The following ZNF536 variants were observed in gnomAD, a reference collection of about 807,000 sequenced individuals.
The protein encoded by ZNF536 is zinc finger protein 536.
ZNF536 carries 13 observed loss-of-function variants against 84.5 expected under a neutral mutation model. The observed-to-expected ratio is 0.15, with a 90% CI of 0.10 to 0.24. The LOEUF (loss-of-function observed/expected upper bound fraction) is 0.24, where lower values mean the gene tolerates loss of function less well. ZNF536 is among the 10% of genes least tolerant of loss of function. ZNF536 has a pLI of 1.00. For missense variants in ZNF536, 1,536 were observed against 1,747.5 expected (o/e 0.88, Z 2.16); for synonymous variants, 811 against 742.5 (o/e 1.09, Z -1.50).
At position 30,548,808 on chromosome 19, in the gene ZNF536, G is replaced by A. The variant is rs147582952; in HGVS notation, c.3189G>A (p.Leu1063=). The A allele has an allele frequency of 6.2e-7, 1 of 1,613,816 alleles. No individual in the cohort carries two copies. Among genetic ancestry groups the A allele is most frequent in the Non-Finnish European group, 8.5e-7 (1 of 1,180,026 alleles). Reference sequence around the variant, plus strand: ...CCTCGTTACAATCAAACAAAGACCTGGGCCTCTCCAATATGATCAGCTCTC... The same window carrying A: ...CCTCGTTACAATCAAACAAAGACCTAGGCCTCTCCAATATGATCAGCTCTC... ...LLPSLQSNKD[L]GLSNMISSLD... The change falls in exon 4 of 5, where the codon CTG becomes CTA. Residue 1063 remains leucine (L), a synonymous_variant. Coordinates refer to ENST00000355537, the MANE Select transcript of ZNF536 (RefSeq NM_014717.3).
chr19:30,229,290 G>A (rs1029072564), intron 1 of ZNF536, among the ~76,000 whole-genome samples: 1 of 151,960 alleles, frequency 6.6e-6, no homozygotes, highest in African/African-American at 2.4e-5. Context: ...CAGGGTCACC[G>A]AGAGATTGAC....
At chr19:30,649,637 A>T (rs189382346) in intron 1 of ZNF536, among the ~76,000 whole-genome samples, 1 of 151,758 alleles carries the variant, frequency 6.6e-6, no homozygotes, top group Admixed American at 6.6e-5. Flanking sequence ...AGTGAAAAAG[A>T]CACAGGAACA....
intron 1 of ZNF536, among the ~76,000 whole-genome samples, chr19:30,634,217 C>G (rs1010716616): frequency 6.6e-6 from 1 of 152,128 alleles, no homozygotes; most frequent in African/African-American, 2.4e-5. Flanking sequence ...CTGGCTTTCT[C>G]CGATTGTTGT....
intron 1 of ZNF536, among the ~76,000 whole-genome samples, chr19:30,703,867 G>A (rs1210494737): frequency 6.6e-6 from 1 of 152,196 alleles, no homozygotes; most frequent in Non-Finnish European, 1.5e-5. Context: ...TTATCAAGGT[G>A]TGGAAATGGA....
intron 2 of ZNF536, among the ~76,000 whole-genome samples, chr19:30,446,508 A>G (rs142792738): frequency 1.2e-3 from 181 of 152,082 alleles, no homozygotes; most frequent in African/African-American, 4.3e-3. Flanking sequence ...GCGTATTCCC[A>G]TAATTCTCTC....
intron 1 of ZNF536, among the ~76,000 whole-genome samples, chr19:30,426,684 C>T (rs892904156): frequency 6.6e-6 from 1 of 152,140 alleles, no homozygotes; most frequent in African/African-American, 2.4e-5. Flanking sequence ...AACAGGGAGA[C>T]GTGCTTCCTG....
intron 2 of ZNF536, among the ~76,000 whole-genome samples, chr19:30,287,036 T>C (rs1568305571): frequency 6.6e-6 from 1 of 152,224 alleles, no homozygotes; most frequent in Non-Finnish European, 1.5e-5. Flanking sequence ...AGTGACCTAC[T>C]CCTTTACTGG....
At chr19:30,539,797 AC>A (rs1343493226) in intron 3 of ZNF536, among the ~76,000 whole-genome samples, 1 of 151,924 alleles carries the variant, frequency 6.6e-6, no homozygotes, top group African/African-American at 2.4e-5. Context: ...GGGAGGCGTG[AC>A]CCCCTGGTGG....
chr19:30,649,779 A>G (rs2049627909), intron 1 of ZNF536, among the ~76,000 whole-genome samples: 1 of 152,144 alleles, frequency 6.6e-6, no homozygotes, highest in African/African-American at 2.4e-5. Context: ...TTAATTTAGA[A>G]GGGGGCTGAC....
At chr19:30,351,861 A>G (rs1209734419) in intron 2 of ZNF536, among the ~76,000 whole-genome samples, 2 of 152,242 alleles carry the variant, frequency 1.3e-5, no homozygotes, top group Admixed American at 6.5e-5. Flanking sequence ...CATGGACTTC[A>G]TGTTAGGAAA....
chr19:30,397,903 T>C (rs2049887142), intron 1 of ZNF536, among the ~76,000 whole-genome samples: 1 of 152,140 alleles, frequency 6.6e-6, no homozygotes, highest in Non-Finnish European at 1.5e-5. Context: ...ATTGGCAAAT[T>C]TAAGAGCTCA....
chr19:30,419,556 G>T (rs1452331455), intron 1 of ZNF536, among the ~76,000 whole-genome samples: 1 of 152,186 alleles, frequency 6.6e-6, no homozygotes, highest in Non-Finnish European at 1.5e-5. Flanking sequence ...TCACGTGTGT[G>T]TATGTGTGCA....
chr19:30,585,732 C>A (rs774556036), intron 1 of ZNF536, among the ~76,000 whole-genome samples: 24 of 152,138 alleles, frequency 1.6e-4, no homozygotes, highest in Non-Finnish European at 3.1e-4. Context: ...CTGCATCTTC[C>A]CATCTCCCCT....
chr19:30,372,300 CAGAA>C (rs1468640428), upstream of ZNF536: 1 of 152,228 alleles, frequency 6.6e-6, no homozygotes, highest in Non-Finnish European at 1.5e-5. Context: ...AGGCAGGACT[CAGAA>C]AGGCCTCTCT....
chr19:30,483,234 T>C (rs1435279132), intron 2 of ZNF536, among the ~76,000 whole-genome samples: 3 of 152,222 alleles, frequency 2.0e-5, no homozygotes, highest in Admixed American at 6.5e-5. Flanking sequence ...TGTTGTACAC[T>C]GTGTTCCTAG....
chr19:30,429,872 A>T (rs1382850097), intron 1 of ZNF536, among the ~76,000 whole-genome samples: 1 of 152,192 alleles, frequency 6.6e-6, no homozygotes, highest in East Asian at 1.9e-4. Flanking sequence ...AAGGACTTGG[A>T]ATCCAAATTA....
intron 4 of ZNF536, among the ~76,000 whole-genome samples, chr19:30,551,074 TC>T (rs1015736741): frequency 1.3e-5 from 2 of 151,942 alleles, no homozygotes; most frequent in African/African-American, 4.8e-5. Flanking sequence ...TTTCTTTTTT[TC>T]ATTGTTGTTT....
chr19:30,496,862 G>A (rs1166763392), intron 2 of ZNF536, among the ~76,000 whole-genome samples: 1 of 152,054 alleles, frequency 6.6e-6, no homozygotes, highest in Non-Finnish European at 1.5e-5. Flanking sequence ...AGGGGCGAGG[G>A]GCACTGTGCC....
At chr19:30,667,995 G>T (rs941756463) in intron 1 of ZNF536, among the ~76,000 whole-genome samples, 2 of 152,102 alleles carry the variant, frequency 1.3e-5, no homozygotes, top group African/African-American at 4.8e-5. Context: ...TTGAAGCCAG[G>T]TCCTCAGGGC....
Sources: allele counts gnomAD v4.1 joint callset (sites outside exome capture counted in the v4.1 genomes callset), GRCh38; gene constraint gnomAD v4.1.1; transcripts MANE v1.5; gene names NCBI Gene and HGNC (gene_info 2026-07-23, HGNC 2026-07-21).